The following ZNF423 variants were observed in gnomAD, a reference collection of about 807,000 sequenced individuals.
The protein encoded by ZNF423 is zinc finger protein 423.
A neutral mutation model predicts 95.8 loss-of-function variants in ZNF423; 12 were observed. The observed-to-expected ratio is 0.13, with a 90% CI of 0.08 to 0.20. ZNF423 has a LOEUF of 0.20. ZNF423 is among the 10% of genes least tolerant of loss of function. The pLI is 1.00. For missense variants in ZNF423, 1,316 were observed against 1,737.1 expected, an observed-to-expected ratio of 0.76 and a Z score of 4.31; for synonymous variants, 749 against 711.9, an observed-to-expected ratio of 1.05 and a Z score of -0.83.
intron 1 of ZNF423, among the ~76,000 whole-genome samples, chr16:49,804,777 G>A (rs949151346): frequency 5.3e-5 from 8 of 152,040 alleles, no homozygotes; most frequent in African/African-American, 1.9e-4. Context: ...CACCAACCCT[G>A]TGCACACCAA....
chr16:49,586,865 G>A (rs1251153669), intron 5 of ZNF423, among the ~76,000 whole-genome samples: 18 of 152,106 alleles, frequency 1.2e-4, no homozygotes, highest in Admixed American at 1.1e-3. Context: ...TGTTCACCTC[G>A]GAATCCTTAA....
chr16:49,689,866 A>T (rs1029142411), intron 3 of ZNF423, among the ~76,000 whole-genome samples: 2 of 152,162 alleles, frequency 1.3e-5, no homozygotes, highest in Non-Finnish European at 2.9e-5. Context: ...ACATCTCTGG[A>T]TCTCACAAGT....
intron 3 of ZNF423, among the ~76,000 whole-genome samples, chr16:49,695,615 C>T (rs759530406): frequency 1.7e-4 from 26 of 151,976 alleles, no homozygotes; most frequent in African/African-American, 4.8e-4. Flanking sequence ...TTAGTAGAAG[C>T]GGAGTTTCGC....
chr16:49,673,441 G>C (rs1324174703), intron 3 of ZNF423, among the ~76,000 whole-genome samples: 1 of 152,236 alleles, frequency 6.6e-6, no homozygotes, highest in East Asian at 1.9e-4. Context: ...GTGGTGTCCA[G>C]CGCTAACCGA....
At chr16:49,755,784 G>A (rs957354221) in intron 2 of ZNF423, among the ~76,000 whole-genome samples, 6 of 152,050 alleles carry the variant, frequency 3.9e-5, no homozygotes, top group African/African-American at 1.4e-4. Context: ...GTTAATCCTC[G>A]AGTTACACTG....
At chr16:49,695,045 T>A (rs2031916848) in intron 3 of ZNF423, among the ~76,000 whole-genome samples, 1 of 152,204 alleles carries the variant, frequency 6.6e-6, no homozygotes, top group South Asian at 2.1e-4. Context: ...TTCCCCTCCC[T>A]GGGCTTCCAT....
chr16:49,506,235 G>C (rs1458101429), intron 7 of ZNF423, among the ~76,000 whole-genome samples: 1 of 152,232 alleles, frequency 6.6e-6, no homozygotes, highest in Non-Finnish European at 1.5e-5. Context: ...CGTGTAGCTG[G>C]ATGGATAGGG....
At position 49,513,762 on chromosome 16, in the gene ZNF423, T is replaced by C. The variant is rs12599122; in HGVS notation, c.3849+9862A>G. ...TGTAGACGTAGTGACTTACAATCCA[T>C]ATGGCCAACGGAATCAGGGGGGTTA... On this transcript the variant is annotated intron_variant, in intron 7 of 7. Coordinates refer to ENST00000563137, the MANE Select transcript of ZNF423 (RefSeq NM_001379286.1). Among the ~76,000 whole-genome samples the C allele has an allele frequency of 9.4e-4, 143 of 152,028 alleles. 4 individuals carry two copies. In the East Asian group the frequency reaches 0.025, roughly 26 times the overall value.
chr16:49,498,817 G>A (rs754490412), intron 7 of ZNF423, among the ~76,000 whole-genome samples: 4 of 152,030 alleles, frequency 2.6e-5, no homozygotes, highest in Admixed American at 1.3e-4. Flanking sequence ...TTTGACAATC[G>A]TCCAAGGGTC....
chr16:49,593,309 C>T (rs1241567988), intron 5 of ZNF423, among the ~76,000 whole-genome samples: 1 of 152,028 alleles, frequency 6.6e-6, no homozygotes. Flanking sequence ...GTGGCACGTG[C>T]CTGTGGTCCC....
intron 2 of ZNF423, among the ~76,000 whole-genome samples, chr16:49,731,713 C>T (rs1339300272): frequency 6.6e-6 from 1 of 151,998 alleles, no homozygotes; most frequent in East Asian, 1.9e-4. Context: ...GTTCTACCTA[C>T]TCAGGAGGAT....
chr16:49,557,162 A>G (rs1425698162), intron 5 of ZNF423, among the ~76,000 whole-genome samples: 5 of 152,240 alleles, frequency 3.3e-5, no homozygotes, highest in Non-Finnish European at 7.3e-5. Flanking sequence ...CAGGGCGTGC[A>G]GGGCGGCAGA....
At chr16:49,683,155 C>T (rs1375839725) in intron 3 of ZNF423, among the ~76,000 whole-genome samples, 1 of 152,122 alleles carries the variant, frequency 6.6e-6, no homozygotes, top group African/African-American at 2.4e-5. Flanking sequence ...TCCAACTTTG[C>T]TATCTGACTA....
chr16:49,644,672 A>C (rs947094468), intron 3 of ZNF423, among the ~76,000 whole-genome samples: 26 of 140,644 alleles, frequency 1.8e-4, no homozygotes, highest in African/African-American at 5.9e-4. Context: ...AAAAAAAAAA[A>C]AAAAAAAAAA....
intron 2 of ZNF423, among the ~76,000 whole-genome samples, chr16:49,745,269 A>G (rs80004254): frequency 0.016 from 2,436 of 152,288 alleles, 65 homozygotes; most frequent in African/African-American, 0.056. Flanking sequence ...GACTGCTCAT[A>G]ATTATTGCTC....
rs1338572691 is a variant in ZNF423 at position 49,489,754 on chromosome 16, T to G, written c.*1521A>C. 3 of 152,232 alleles carry G rather than the reference T, an allele frequency of 2.0e-5. No homozygotes were observed. The highest frequency in any genetic ancestry group is 1.3e-4 in the Admixed American group (2 of 15,272). The allele number at this position is 152,232 out of a possible 1,614,324, so 9.4% of individuals were successfully genotyped here. Reference sequence around the variant, plus strand: ...GGGTAATAACCAATTTCCTTGCCCCTTGTGAAAAGTTAGCAAGGAAGGGTT... The same window carrying G: ...GGGTAATAACCAATTTCCTTGCCCCGTGTGAAAAGTTAGCAAGGAAGGGTT... On this transcript the variant is annotated 3_prime_UTR_variant, in exon 8 of 8. Coordinates refer to ENST00000563137, the MANE Select transcript of ZNF423 (RefSeq NM_001379286.1).
chr16:49,669,197 C>T (rs1174835617), intron 3 of ZNF423, among the ~76,000 whole-genome samples: 4 of 151,858 alleles, frequency 2.6e-5, no homozygotes, highest in East Asian at 1.9e-4. Context: ...GGTGTGGTGG[C>T]GCACACCTGT....
intron 5 of ZNF423, among the ~76,000 whole-genome samples, chr16:49,586,535 T>C (rs985500682): frequency 3.9e-5 from 6 of 152,194 alleles, no homozygotes; most frequent in African/African-American, 1.4e-4. Flanking sequence ...ATTAAGATAT[T>C]CCTGGCCGCA....
At chr16:49,854,472 C>G in intron 1 of ZNF423, 1 of 985,414 alleles carries the variant, frequency 1.0e-6, no homozygotes, top group Non-Finnish European at 1.2e-6. Context: ...GCGCAGGCCT[C>G]CAGGAAATGA....
Sources: gnomAD v4.1 joint callset for allele counts (sites outside exome capture counted in the v4.1 genomes callset) on GRCh38, gnomAD v4.1.1 for gene constraint, MANE v1.5 for transcripts, NCBI Gene and HGNC (gene_info 2026-07-23, HGNC 2026-07-21) for gene names.